The following TYW1 variants were observed in gnomAD, a reference collection of about 807,000 sequenced individuals.
TYW1 encodes tRNA-yW synthesizing protein 1 homolog, also known as S-adenosyl-L-methionine-dependent tRNA 4-demethylwyosine synthase TYW1.
TYW1 carries 46 observed loss-of-function variants against 96.2 expected under a neutral mutation model. That is an observed-to-expected ratio of 0.48 (90% confidence interval 0.38 to 0.61). The LOEUF (loss-of-function observed/expected upper bound fraction) is 0.61. Ranked by LOEUF, TYW1 falls within the 20% of genes least tolerant of loss-of-function variation. The pLI is 0.00. For missense variants in TYW1, 684 were observed against 909.6 expected (o/e 0.75, Z 3.19); for synonymous variants, 274 against 323.0 (o/e 0.85, Z 1.63).
At chr7:67,181,754 T>G (rs1024471363) in intron 13 of TYW1, among the ~76,000 whole-genome samples, 1 of 152,186 alleles carries the variant, frequency 6.6e-6, no homozygotes, top group African/African-American at 2.4e-5. Flanking sequence ...TGCCATAGTC[T>G]GTTGGTTATA....
At chr7:67,194,784 C>G (rs1404720846) in intron 14 of TYW1, among the ~76,000 whole-genome samples, 1 of 148,740 alleles carries the variant, frequency 6.7e-6, no homozygotes, top group Admixed American at 6.7e-5. Context: ...GTCCACTATG[C>G]CCCCATTATT....
intron 14 of TYW1, among the ~76,000 whole-genome samples, chr7:67,184,455 G>A (rs1316525477): frequency 6.6e-6 from 1 of 151,920 alleles, no homozygotes; most frequent in East Asian, 1.9e-4. Flanking sequence ...CATAATGTCT[G>A]CTTGCCTCTC....
chr7:67,021,114 T>A (rs1199295268), intron 6 of TYW1, among the ~76,000 whole-genome samples: 1 of 152,284 alleles, frequency 6.6e-6, no homozygotes, highest in Non-Finnish European at 1.5e-5. Context: ...GGCCAACATC[T>A]TTTCTTCCCT....
intron 13 of TYW1, among the ~76,000 whole-genome samples, chr7:67,153,714 T>G (rs1460212534): frequency 2.6e-5 from 4 of 152,336 alleles, no homozygotes; most frequent in East Asian, 1.9e-4. Context: ...TTAGAAACCA[T>G]CTTTATTGAC....
chr7:67,007,791 C>G (rs774359196), intron 3 of TYW1, among the ~76,000 whole-genome samples: 1 of 152,042 alleles, frequency 6.6e-6, no homozygotes, highest in African/African-American at 2.4e-5. Context: ...CCCACCACCA[C>G]TCCTGGCTAA....
At chr7:67,074,229 A>G (rs1301063614) in intron 10 of TYW1, among the ~76,000 whole-genome samples, 1 of 152,214 alleles carries the variant, frequency 6.6e-6, no homozygotes, top group South Asian at 2.1e-4. Context: ...GGATCACATC[A>G]TACTTAGGTT....
chr7:67,176,984 C>T (rs1288329352), intron 13 of TYW1, among the ~76,000 whole-genome samples: 5 of 152,130 alleles, frequency 3.3e-5, no homozygotes, highest in East Asian at 3.9e-4. Context: ...GGTGCAGAAT[C>T]GCTCCTGGTT....
At chr7:67,138,892 G>A (rs1376931704) in intron 13 of TYW1, among the ~76,000 whole-genome samples, 1 of 151,262 alleles carries the variant, frequency 6.6e-6, no homozygotes, top group Non-Finnish European at 1.5e-5. Context: ...GGATACTTAG[G>A]TTGCTTCCAA....
At chr7:67,105,679 A>T (rs1797215582) in intron 12 of TYW1, among the ~76,000 whole-genome samples, 1 of 152,174 alleles carries the variant, frequency 6.6e-6, no homozygotes, top group African/African-American at 2.4e-5. Context: ...TGTCAGAGGT[A>T]TTGCACGGTT....
intron 15 of TYW1, among the ~76,000 whole-genome samples, chr7:67,226,612 C>T (rs1393676818): frequency 6.6e-6 from 1 of 152,168 alleles, no homozygotes; most frequent in African/African-American, 2.4e-5. Flanking sequence ...CTTGAATGTT[C>T]AGGGACACCG....
At chr7:67,069,594 C>T (rs1795971237) in intron 10 of TYW1, among the ~76,000 whole-genome samples, 1 of 152,056 alleles carries the variant, frequency 6.6e-6, no homozygotes, top group East Asian at 1.9e-4. Flanking sequence ...CAAAAATTCG[C>T]CGGGCATGGT....
chr7:67,149,801 A>G (rs544299122), intron 13 of TYW1, among the ~76,000 whole-genome samples: 92 of 151,780 alleles, frequency 6.1e-4, no homozygotes, highest in African/African-American at 2.1e-3. Context: ...CTGAAGGGAT[A>G]TATCATCATT....
chr7:67,088,276 A>G (rs1448344916), intron 11 of TYW1, among the ~76,000 whole-genome samples: 1 of 152,198 alleles, frequency 6.6e-6, no homozygotes, highest in Non-Finnish European at 1.5e-5. Context: ...TAGGTTAAAC[A>G]AGCCATTATT....
chr7:67,041,801 G>A (rs1219923375), intron 7 of TYW1, among the ~76,000 whole-genome samples: 2 of 151,966 alleles, frequency 1.3e-5, no homozygotes, highest in Admixed American at 6.6e-5. Flanking sequence ...GGAGTCATAC[G>A]TCTCAGCTTG....
chr7:67,007,751 C>G (rs2129238806), intron 3 of TYW1, among the ~76,000 whole-genome samples: 2 of 152,240 alleles, frequency 1.3e-5, no homozygotes, highest in Middle Eastern at 3.4e-3. Context: ...TCTCCTCCCT[C>G]AGCCTCCCAA....
chr7:67,220,449 T>A (rs6944637), intron 15 of TYW1, among the ~76,000 whole-genome samples: 1 of 151,930 alleles, frequency 6.6e-6, no homozygotes, highest in Non-Finnish European at 1.5e-5. Context: ...GTGATCCGCC[T>A]GCCTTGGCCT....
At chr7:67,068,731 A>C (rs1324519355) in intron 10 of TYW1, among the ~76,000 whole-genome samples, 1 of 152,128 alleles carries the variant, frequency 6.6e-6, no homozygotes, top group Admixed American at 6.6e-5. Flanking sequence ...CTCCAGTCTC[A>C]GTCTCTTTTC....
intron 12 of TYW1, among the ~76,000 whole-genome samples, chr7:67,111,782 AT>A (rs1403860047): frequency 6.6e-6 from 1 of 152,198 alleles, no homozygotes; most frequent in African/African-American, 2.4e-5. Flanking sequence ...CACAAAGTAC[AT>A]TCTTTCTCTG....
intron 15 of TYW1, among the ~76,000 whole-genome samples, chr7:67,232,756 T>C (rs914427096): frequency 4.3e-5 from 4 of 93,242 alleles, no homozygotes; most frequent in Non-Finnish European, 8.5e-5. Context: ...GAAATAGTTT[T>C]ATTATGGCAG....
Sources: gnomAD v4.1 joint callset for allele counts (sites outside exome capture counted in the v4.1 genomes callset) on GRCh38, gnomAD v4.1.1 for gene constraint, MANE v1.5 for transcripts, NCBI Gene and HGNC (gene_info 2026-07-23, HGNC 2026-07-21) for gene names.